The following ZDHHC11 variants were observed in gnomAD, a reference collection of about 807,000 sequenced individuals.
ZDHHC11 encodes the protein zDHHC palmitoyltransferase 11.
In ZDHHC11, 44 loss-of-function variants were observed where a neutral mutation model predicts 51.3. The observed-to-expected ratio is 0.86, with a 90% confidence interval of 0.67 to 1.10. ZDHHC11 has a LOEUF of 1.10. ZDHHC11 is among the 50% of genes least tolerant of loss of function. The pLI is 0.00. For missense variants in ZDHHC11, 400 were observed against 537.7 expected (o/e 0.74, Z 2.53); for synonymous variants, 163 against 222.0 (o/e 0.73, Z 2.36).
intron 7 of ZDHHC11, among the ~76,000 whole-genome samples, chr5:831,769 T>A (rs1743113977): frequency 6.6e-6 from 1 of 150,956 alleles, no homozygotes; most frequent in African/African-American, 2.4e-5. Context: ...CCTGGAAGAA[T>A]GGCCATAATT....
chr5:835,720 A>G (rs1047097079), intron 6 of ZDHHC11, among the ~76,000 whole-genome samples: 1 of 151,966 alleles, frequency 6.6e-6, no homozygotes, highest in Non-Finnish European at 1.5e-5. Context: ...ATTTTTTTCC[A>G]ATCTATGAAT....
intron 4 of ZDHHC11, 152 bp from the exon 5 acceptor site, chr5:840,802 C>A: frequency 6.6e-7 from 1 of 1,517,444 alleles, no homozygotes; most frequent in African/African-American, 1.4e-5. Context: ...GCCTCCCTTA[C>A]CTGAGTGCCC....
intron 7 of ZDHHC11, among the ~76,000 whole-genome samples, chr5:829,801 T>G (rs1742841616): frequency 6.6e-6 from 1 of 151,434 alleles, no homozygotes; most frequent in Non-Finnish European, 1.5e-5. Flanking sequence ...CATGGTCAAG[T>G]GGGTTTCATA....
rs561920093 is a variant in ZDHHC11 at position 799,906 on chromosome 5, C to A, written c.*7+1194G>T. Reference sequence around the variant, plus strand: ...CAGTGGATTTGTCTTCTCATCTCAACTTGTCTCCAATTATGATTTTGACTC... The same window carrying A: ...CAGTGGATTTGTCTTCTCATCTCAAATTGTCTCCAATTATGATTTTGACTC... On this transcript the variant is annotated intron_variant, in intron 12 of 12. Coordinates refer to ENST00000283441, the MANE Select transcript of ZDHHC11 (RefSeq NM_024786.3). Among the ~76,000 whole-genome samples, 11 of 151,586 alleles carry A rather than the reference C, an allele frequency of 7.3e-5. 1 individual carries two copies. The East Asian group carries it at 1.3e-3, about 19-fold the overall frequency.
chr5:825,188 G>A lies in ZDHHC11; in HGVS notation c.999C>T (p.Asn333=), dbSNP rs755760839. ...CCCGTGCCGTCGAATCCCCATCCTG[G>A]TTTACTGAAGTGCAGAAGTGACATA... ...KHLCHFCTSV[N]QDGDSTAREG... The change falls in exon 8 of 13, where the codon AAC becomes AAT. Residue 333 remains asparagine, a synonymous_variant. Coordinates refer to ENST00000283441, the MANE Select transcript of ZDHHC11 (RefSeq NM_024786.3). The A allele has an allele frequency of 1.2e-6, 2 of 1,612,822 alleles. No homozygotes were observed. Among genetic ancestry groups the A allele is most frequent in the Non-Finnish European group, 1.7e-6 (2 of 1,179,182 alleles).
intron 8 of ZDHHC11, chr5:824,134 A>G: frequency 2.2e-6 from 1 of 452,250 alleles, no homozygotes. Context: ...TAACCTCCAG[A>G]AGCTGGCCCC....
At chr5:808,948 C>T (rs375190810) in intron 11 of ZDHHC11, among the ~76,000 whole-genome samples, 5 of 150,568 alleles carry the variant, frequency 3.3e-5, no homozygotes, top group Admixed American at 2.0e-4. Context: ...TCTGCTGTCT[C>T]GGCCTCCCCA....
intron 3 of ZDHHC11, among the ~76,000 whole-genome samples, 178 bp from the exon 4 acceptor site, chr5:843,902 A>G (rs1399026784): frequency 9.7e-6 from 1 of 103,334 alleles, no homozygotes; most frequent in East Asian, 3.7e-4. Context: ...GCGGGGAGGC[A>G]GGGGCAGGGA....
At chr5:822,575 C>G (rs1163893976) in intron 8 of ZDHHC11, among the ~76,000 whole-genome samples, 9 of 151,638 alleles carry the variant, frequency 5.9e-5, no homozygotes, top group Non-Finnish European at 1.0e-4. Flanking sequence ...CTTTGCCAAA[C>G]TGCTCGCCAA....
At chr5:814,080 G>A (rs1740448414) in intron 11 of ZDHHC11, among the ~76,000 whole-genome samples, 1 of 144,528 alleles carries the variant, frequency 6.9e-6, no homozygotes, top group Admixed American at 7.1e-5. Context: ...GTTAATATAT[G>A]TTCATTTTAT....
At position 850,375 on chromosome 5, in the gene ZDHHC11, G is replaced by A. The variant is rs764331042; in HGVS notation, c.222+6C>T. 6.2e-7 allele frequency: 1 copy of A among 1,613,410 alleles called. No homozygotes were observed. Among genetic ancestry groups the A allele is most frequent in the African/African-American group, 1.3e-5 (1 of 75,050 alleles). The stretch of plus-strand genomic sequence containing the variant: ...CGCTTAGACCATGCCACGATGAAAA[G>A]GATACCACGTAGGCAATGTATTTCC... On this transcript the variant is annotated splice_donor_region_variant and intron_variant, in intron 1 of 12. Transcript: ENST00000283441.
At chr5:849,018 GCACACACGGCCCTATACACCCGGCCCTT>G (rs1465316193) in intron 1 of ZDHHC11, among the ~76,000 whole-genome samples, 1 of 150,896 alleles carries the variant, frequency 6.6e-6, no homozygotes, top group Non-Finnish European at 1.5e-5. Flanking sequence ...ATCCAGTCTT[GCACACACGGCCCTATACACCCGGCCCTT>G]CACACATGGC....
intron 9 of ZDHHC11, among the ~76,000 whole-genome samples, 176 bp from the exon 10 acceptor site, chr5:819,788 T>C (rs1741329117): frequency 6.6e-6 from 1 of 151,136 alleles, no homozygotes; most frequent in Non-Finnish European, 1.5e-5. Context: ...TACTGCACAG[T>C]GGGAAACAGA....
intron 7 of ZDHHC11, among the ~76,000 whole-genome samples, chr5:829,409 A>G (rs1250000172): frequency 2.6e-5 from 4 of 152,008 alleles, no homozygotes; most frequent in Non-Finnish European, 4.4e-5. Context: ...GAGGAGATGG[A>G]TAACTTCCTG....
chr5:823,861 G>A, intron 8 of ZDHHC11: 1 of 353,286 alleles, frequency 2.8e-6, no homozygotes, highest in Admixed American at 3.6e-5. Flanking sequence ...ACTCCCATGA[G>A]CCCGTGTGCC....
chr5:820,899 A>T (rs1386383958), intron 9 of ZDHHC11, among the ~76,000 whole-genome samples: 2 of 151,560 alleles, frequency 1.3e-5, no homozygotes, highest in East Asian at 1.9e-4. Flanking sequence ...CCTCCAGGAC[A>T]CAGACCCATG....
chr5:858,261 A>AGGCCCCTAGAGTCTGTCCCGGTCCCCG lies in ZDHHC11; in HGVS notation c.-1+612_-1+613insCGGGGACCGGGACAGACTCTAGGGGCC, dbSNP rs1344133236. On this transcript the variant is annotated intron_variant, in intron 1 of 3. Transcript: ENST00000685990. Reference sequence around the variant, plus strand: ...ATCCCCAGAGTCTGTCCTGGTCCCCATCCTGTCTTTATGACACCAGGCCCC... The same window carrying AGGCCCCTAGAGTCTGTCCCGGTCCCCG: ...ATCCCCAGAGTCTGTCCTGGTCCCCAGGCCCCTAGAGTCTGTCCCGGTCCCCGTCCTGTCTTTATGACACCAGGCCCC... 2.0e-3 allele frequency among the ~76,000 whole-genome samples: 202 copies of AGGCCCCTAGAGTCTGTCCCGGTCCCCG among 101,834 alleles called. 2 individuals carry two copies. Among genetic ancestry groups the AGGCCCCTAGAGTCTGTCCCGGTCCCCG allele is most frequent in the African/African-American group, 9.9e-3 (194 of 19,512 alleles). The allele number at this position is 101,834 out of a possible 152,430, so 66.8% of individuals were successfully genotyped here.
chr5:819,680 G>A, intron 9 of ZDHHC11, 68 bp from the exon 10 acceptor site: 1 of 1,489,700 alleles, frequency 6.7e-7, no homozygotes, highest in Non-Finnish European at 9.4e-7. Context: ...GGCACTGGAG[G>A]CTACAGTGTG....
chr5:821,648 A>ACAC (rs112606456), intron 9 of ZDHHC11, among the ~76,000 whole-genome samples: 1 of 150,564 alleles, frequency 6.6e-6, no homozygotes, highest in Non-Finnish European at 1.5e-5. Context: ...GAAAAAAACA[A>ACAC]ATCACAGAGC....
Sources: gnomAD v4.1 joint callset for allele counts (sites outside exome capture counted in the v4.1 genomes callset) on GRCh38, gnomAD v4.1.1 for gene constraint, MANE v1.5 for transcripts, NCBI Gene and HGNC (gene_info 2026-07-23, HGNC 2026-07-21) for gene names.